The following ST8SIA4 variants were observed in gnomAD, a reference collection of about 807,000 sequenced individuals.
The protein encoded by ST8SIA4 is ST8 alpha-N-acetyl-neuraminide alpha-2,8-sialyltransferase 4.
In ST8SIA4, 15 loss-of-function variants were observed where a neutral mutation model predicts 33.9. That is an observed-to-expected ratio of 0.44 (90% CI 0.30 to 0.68). ST8SIA4 has a LOEUF of 0.68. Among genes scored for constraint, ST8SIA4 ranks in the 30% least tolerant of loss-of-function variants. The pLI is 0.10. For synonymous variants in ST8SIA4, 171 were observed against 151.2 expected, an observed-to-expected ratio of 1.13 and a Z score of -0.96; for missense variants, 321 against 428.0, an observed-to-expected ratio of 0.75 and a Z score of 2.21.
chr5:100,834,074 T>A (rs971641445), intron 4 of ST8SIA4, among the ~76,000 whole-genome samples: 1 of 152,162 alleles, frequency 6.6e-6, no homozygotes, highest in Non-Finnish European at 1.5e-5. Flanking sequence ...TGAGTGCTAA[T>A]ATAATAATCA....
At position 100,811,859 on chromosome 5, in the gene ST8SIA4, A is replaced by G; in HGVS notation, c.1068T>C (p.Cys356=). 6.2e-7 allele frequency: 1 copy of G among 1,610,626 alleles called. No homozygotes were observed. Among genetic ancestry groups the G allele is most frequent in the South Asian group, 1.1e-5 (1 of 90,674 alleles). ...RGALKLTTGK[C]VKQ ...TTCAAAATGTGCTTTATTGCTTTAC[A>G]CACTTTCCTGTTGTCAGTTTTAGAG... Residue 356 remains cysteine, a synonymous_variant, in exon 5 of 5, where the codon TGT becomes TGC. Transcript: ENST00000231461.
At chr5:100,849,217 C>G in intron 4 of ST8SIA4, 2 of 985,182 alleles carry the variant, frequency 2.0e-6, no homozygotes, top group Non-Finnish European at 2.4e-6. Context: ...AGTTCAGAAC[C>G]AGTGATTCTT....
intron 4 of ST8SIA4, among the ~76,000 whole-genome samples, chr5:100,829,764 C>T (rs574874717): frequency 1.6e-3 from 250 of 152,130 alleles, no homozygotes; most frequent in Non-Finnish European, 2.8e-3. Context: ...AAAAATTAGC[C>T]GGACGTGGTG....
At chr5:100,822,373 T>C (rs1751048824) in intron 4 of ST8SIA4, among the ~76,000 whole-genome samples, 1 of 152,216 alleles carries the variant, frequency 6.6e-6, no homozygotes, top group Non-Finnish European at 1.5e-5. Context: ...TCTAAAATAA[T>C]GTTAATGTTC....
At chr5:100,852,518 A>T (rs115054730) in intron 4 of ST8SIA4, among the ~76,000 whole-genome samples, 2,554 of 152,216 alleles carry the variant, frequency 0.017, 29 homozygotes, top group Admixed American at 0.025. Flanking sequence ...TACCAGTAAA[A>T]AAGTGGCAAT....
intron 4 of ST8SIA4, among the ~76,000 whole-genome samples, chr5:100,813,783 G>T (rs1750860142): frequency 6.6e-6 from 1 of 151,880 alleles, no homozygotes; most frequent in Non-Finnish European, 1.5e-5. Context: ...GAATATGTAT[G>T]GTTGCAGAGG....
intron 4 of ST8SIA4, among the ~76,000 whole-genome samples, chr5:100,815,548 A>T (rs1434643167): frequency 6.6e-6 from 1 of 151,666 alleles, no homozygotes; most frequent in Non-Finnish European, 1.5e-5. Context: ...AACATTTATA[A>T]CTTTTTAATA....
At chr5:100,822,927 T>A (rs963896614) in intron 4 of ST8SIA4, among the ~76,000 whole-genome samples, 1 of 151,880 alleles carries the variant, frequency 6.6e-6, no homozygotes, top group Non-Finnish European at 1.5e-5. Flanking sequence ...GTCAGGAGAT[T>A]GAGATCATCC....
chr5:100,897,474 C>T (rs1285845609), intron 1 of ST8SIA4, among the ~76,000 whole-genome samples: 2 of 152,004 alleles, frequency 1.3e-5, no homozygotes, highest in Non-Finnish European at 2.9e-5. Context: ...TTCTTTACAT[C>T]GCCTTTTACT....
chr5:100,901,792 T>A (rs941045149), intron 1 of ST8SIA4, among the ~76,000 whole-genome samples: 6 of 152,156 alleles, frequency 3.9e-5, no homozygotes, highest in Non-Finnish European at 8.8e-5. Flanking sequence ...AGCAGGAATA[T>A]TAAGAAATGG....
intron 4 of ST8SIA4, among the ~76,000 whole-genome samples, chr5:100,829,686 G>A (rs911824181): frequency 6.6e-6 from 1 of 152,140 alleles, no homozygotes; most frequent in South Asian, 2.1e-4. Context: ...GAAGCGGGTG[G>A]ATCACGAGGT....
rs1180662573 is a variant in ST8SIA4 at position 100,810,668 on chromosome 5, A to C, written c.*1179T>G. 1 of 152,590 alleles carries C rather than the reference A, an allele frequency of 6.6e-6. No homozygotes were observed. Among genetic ancestry groups the C allele is most frequent in the Non-Finnish European group, 1.5e-5 (1 of 68,026 alleles). 9.5% of individuals were successfully genotyped at this position (152,590 alleles called of 1,614,324 possible). Reference sequence around the variant, plus strand: ...AATATATTCATGTTAATAATATATTATTTTCATGAAAGAAAAATGGTTTGC... The same window carrying C: ...AATATATTCATGTTAATAATATATTCTTTTCATGAAAGAAAAATGGTTTGC... On this transcript the variant is annotated 3_prime_UTR_variant, in exon 5 of 5. Transcript: ENST00000231461.
At chr5:100,835,408 A>G (rs1751345871) in intron 4 of ST8SIA4, among the ~76,000 whole-genome samples, 3 of 152,206 alleles carry the variant, frequency 2.0e-5, no homozygotes, top group Admixed American at 6.5e-5. Context: ...AAACTACTAA[A>G]TTTTTAAAAA....
At chr5:100,812,232 T>C (rs536028013) in intron 4 of ST8SIA4, 103 bp from the exon 5 acceptor site, 1 of 883,954 alleles carries the variant, frequency 1.1e-6, no homozygotes, top group East Asian at 2.9e-5. Flanking sequence ...GGTATCTTTA[T>C]GAATAATATT....
chr5:100,890,909 G>C (rs1470277150), intron 2 of ST8SIA4: 3 of 151,892 alleles, frequency 2.0e-5, no homozygotes, highest in Non-Finnish European at 4.4e-5. Context: ...CTGACAACAA[G>C]TAGAGTTCTA....
chr5:100,878,919 CAT>C (rs1359512160), intron 3 of ST8SIA4, among the ~76,000 whole-genome samples: 4 of 152,260 alleles, frequency 2.6e-5, no homozygotes, highest in East Asian at 1.9e-4. Flanking sequence ...GGCAGTACCA[CAT>C]GTTTCGCTTG....
intron 1 of ST8SIA4, among the ~76,000 whole-genome samples, chr5:100,902,591 T>C (rs1212925746): frequency 6.6e-6 from 1 of 152,132 alleles, no homozygotes; most frequent in Non-Finnish European, 1.5e-5. Flanking sequence ...GACTTCTCCT[T>C]TGGCGAGAGA....
chr5:100,830,488 T>A (rs1326379439), intron 4 of ST8SIA4, among the ~76,000 whole-genome samples: 1 of 152,242 alleles, frequency 6.6e-6, no homozygotes, highest in Non-Finnish European at 1.5e-5. Context: ...GATTTCAAAT[T>A]TTTAAAGCCT....
At chr5:100,862,506 C>A (rs1580468398) in intron 3 of ST8SIA4, among the ~76,000 whole-genome samples, 1 of 152,068 alleles carries the variant, frequency 6.6e-6, no homozygotes, top group Non-Finnish European at 1.5e-5. Context: ...TCAACTGATT[C>A]TCCTGCCTCA....
Sources: allele counts gnomAD v4.1 joint callset (sites outside exome capture counted in the v4.1 genomes callset), GRCh38; gene constraint gnomAD v4.1.1; transcripts MANE v1.5; gene names NCBI Gene and HGNC (gene_info 2026-07-23, HGNC 2026-07-21).